The following DNHD1 variants were observed in gnomAD, a reference collection of about 807,000 sequenced individuals.
DNHD1 encodes dynein heavy chain domain-containing protein 1.
A neutral mutation model predicts 458.1 loss-of-function variants in DNHD1; 383 were observed. The ratio of observed to expected loss-of-function variants is 0.84; its 90% CI spans 0.77 to 0.91. The LOEUF (loss-of-function observed/expected upper bound fraction) is 0.91, where lower values mean the gene tolerates loss of function less well. Among genes scored for constraint, DNHD1 ranks in the 40% least tolerant of loss-of-function variants. The pLI, the probability that DNHD1 is intolerant of heterozygous loss-of-function variation, is 0.00. For missense variants in DNHD1, 5,336 were observed against 5,866.1 expected, an observed-to-expected ratio of 0.91 and a Z score of 2.95; for synonymous variants, 2,203 against 2,376.9, an observed-to-expected ratio of 0.93 and a Z score of 2.13.
intron 10 of DNHD1, among the ~76,000 whole-genome samples, chr11:6,524,263 G>A (rs1249318949): frequency 6.6e-6 from 1 of 152,150 alleles, no homozygotes; most frequent in Non-Finnish European, 1.5e-5. Context: ...AACTTCAAAG[G>A]TAGAGAAGAA....
intron 10 of DNHD1, chr11:6,520,641 G>T (rs1170453195): frequency 4.5e-6 from 5 of 1,111,488 alleles, no homozygotes; most frequent in African/African-American, 1.6e-5. Context: ...AAGTAAATTT[G>T]TACTTGTTTG....
At chr11:6,540,765 G>C (rs1422843202) in intron 18 of DNHD1, among the ~76,000 whole-genome samples, 1 of 152,180 alleles carries the variant, frequency 6.6e-6, no homozygotes, top group Non-Finnish European at 1.5e-5. Flanking sequence ...ATTTACATAA[G>C]CATCCAAGAT....
chr11:6,540,490 A>G (rs529568202), intron 18 of DNHD1, among the ~76,000 whole-genome samples: 6 of 152,212 alleles, frequency 3.9e-5, no homozygotes, highest in Non-Finnish European at 8.8e-5. Context: ...TGCTAAACAC[A>G]GGAGACCTTG....
At chr11:6,561,538 T>C (rs957281597) in intron 28 of DNHD1, among the ~76,000 whole-genome samples, 16 of 152,206 alleles carry the variant, frequency 1.1e-4, no homozygotes, top group Non-Finnish European at 2.2e-4. Flanking sequence ...TAAGAAGATA[T>C]AGACTCATCC....
intron 28 of DNHD1, among the ~76,000 whole-genome samples, chr11:6,562,367 C>G (rs1214397669): frequency 6.6e-6 from 1 of 152,062 alleles, no homozygotes; most frequent in African/African-American, 2.4e-5. Context: ...GTGAGACCCC[C>G]AAGGGAAGAT....
rs750497363 is a variant in DNHD1, at chr11:6,548,859, C to G, written c.7313C>G (p.Pro2438Arg). Reference protein sequence around the residue: ...RGIQGQTQASPQPGHHQDSKP... With the variant: ...RGIQGQTQASRQPGHHQDSKP... Reference sequence around the variant, plus strand: ...ATCCAGGGCCAAACACAAGCCAGCCCACAGCCTGGGCATCACCAGGATTCT... The same window carrying G: ...ATCCAGGGCCAAACACAAGCCAGCCGACAGCCTGGGCATCACCAGGATTCT... The change falls in exon 24 of 43, where the codon CCA (proline) becomes CGA (arginine). Residue 2438 changes from proline to arginine, a missense_variant. Around this residue, in one of 4 missense-constraint regions of DNHD1, gnomAD observed 3,932 missense variants for 4,365.6 expected, o/e 0.90. Transcript: ENST00000254579. This position sits in a 1 kb window ranked among gnomAD's most constrained non-coding sequence, Gnocchi z 4.4. 1.3e-6 allele frequency: 2 copies of G among 1,551,744 alleles called. No individual in the cohort carries two copies. Among genetic ancestry groups the G allele is most frequent in the South Asian group, 1.2e-5 (1 of 84,066 alleles).
Position 6,498,117 on chromosome 11 carries a change from C to T in DNHD1, c.-99C>T, listed in dbSNP as rs940752112. The T allele has an allele frequency of 2.6e-6, 4 of 1,514,312 alleles. No individual in the cohort carries two copies. Among genetic ancestry groups the T allele is most frequent in the African/African-American group, 2.8e-5 (2 of 72,528 alleles). The allele number at this position is 1,514,312 out of a possible 1,614,324, so 93.8% of individuals were successfully genotyped here. ...CTCTGGCCCCTCTGCTGGGCTGGCC[C>T]ATGCAGGTGAGGCCCCGCATCTGGC... On this transcript the variant is annotated 5_prime_UTR_variant, in exon 3 of 43. Coordinates refer to ENST00000254579, the MANE Select transcript of DNHD1 (RefSeq NM_144666.3).
chr11:6,509,394 C>A, intron 6 of DNHD1, 122 bp downstream of exon 6: 2 of 770,416 alleles, frequency 2.6e-6, no homozygotes, highest in Non-Finnish European at 4.1e-6. Context: ...ACCTTTAATC[C>A]TACCAACCAC....
rs369212397 is a variant in DNHD1, at chr11:6,538,443, G to A, written c.3059G>A (p.Arg1020His). The change falls in exon 15 of 43, where the codon CGC (arginine) becomes CAC (histidine). Residue 1020 changes from arginine (R) to histidine (H), a missense_variant. By Grantham distance (29) the Arg-to-His change is conservative. Coordinates refer to ENST00000254579, the MANE Select transcript of DNHD1 (RefSeq NM_144666.3). ...CGTRPIVQQQ[R>H]IWHLYRVISE... ...ACACGTCCTATTGTGCAGCAGCAGC[G>A]CATATGGCACCTGTACCGAGTCATC... is the stretch of plus-strand genomic sequence containing the variant. The A allele has an allele frequency of 3.6e-5, 56 of 1,551,652 alleles. No individual in the cohort carries two copies. The highest frequency in any genetic ancestry group is 3.1e-4 in the African/African-American group (23 of 73,058).
At chr11:6,561,303 C>G (rs1853583223) in intron 28 of DNHD1, among the ~76,000 whole-genome samples, 1 of 152,156 alleles carries the variant, frequency 6.6e-6, no homozygotes, top group Admixed American at 6.5e-5. Context: ...TAGCACCTAT[C>G]TGTAGTTCCA....
At chr11:6,550,530 A>G (rs760470951) in intron 24 of DNHD1, among the ~76,000 whole-genome samples, 2 of 152,202 alleles carry the variant, frequency 1.3e-5, no homozygotes, top group Non-Finnish European at 2.9e-5. Context: ...AGACATGCCA[A>G]CAAAAACCCC....
At chr11:6,564,264 C>T in intron 31 of DNHD1, 69 bp from the exon 32 acceptor site, 7 of 1,467,108 alleles carry the variant, frequency 4.8e-6, no homozygotes, top group Non-Finnish European at 6.4e-6. Flanking sequence ...CTTGCCCTCC[C>T]TCTGCCATAT....
chr11:6,519,593 C>T lies in DNHD1; in HGVS notation c.1393-7C>T, dbSNP rs1036349046. On this transcript the variant is annotated splice_polypyrimidine_tract_variant and splice_region_variant and intron_variant, in intron 7 of 42. Transcript: ENST00000254579. ...CTATCTGGTGAGTTTCCACTCTATG[C>T]TCACAGGTTCACGAGGACACATACC... 4 of 1,613,806 alleles carry T rather than the reference C, an allele frequency of 2.5e-6. No homozygotes were observed. In the African/African-American group the frequency reaches 4.0e-5, roughly 16 times the overall value.
intron 3 of DNHD1, 36 bp downstream of exon 3, chr11:6,498,997 G>A (rs2134360079): frequency 6.5e-7 from 1 of 1,530,062 alleles, no homozygotes. Flanking sequence ...TTGAGCAGAG[G>A]AGAAAAAGTT....
chr11:6,539,322 C>T lies in DNHD1; in HGVS notation c.3420+9C>T, dbSNP rs758940699. ...CAGATCGAATCAACCAGGTGGGGCCCTCAGTACAGGGGCGAGGGAGGTGGT... is the reference window on the plus strand; with the variant it reads ...CAGATCGAATCAACCAGGTGGGGCCTTCAGTACAGGGGCGAGGGAGGTGGT... On this transcript the variant is annotated intron_variant, in intron 17 of 42. Coordinates refer to ENST00000254579, the MANE Select transcript of DNHD1 (RefSeq NM_144666.3). 1.9e-6 allele frequency: 3 copies of T among 1,547,144 alleles called. No individual in the cohort carries two copies. The highest frequency in any genetic ancestry group is 2.6e-6 in the Non-Finnish European group (3 of 1,142,996).
chr11:6,515,561 A>G (rs1852444117), intron 7 of DNHD1, among the ~76,000 whole-genome samples: 1 of 152,116 alleles, frequency 6.6e-6, no homozygotes, highest in Admixed American at 6.6e-5. Flanking sequence ...GAGACCAAAA[A>G]TAGAATTTAG....
Position 6,498,018 on chromosome 11 carries a change from C to T in DNHD1, c.-198C>T, listed in dbSNP as rs1852062642. On this transcript the variant is annotated 5_prime_UTR_variant, in exon 3 of 43. Coordinates refer to ENST00000254579, the MANE Select transcript of DNHD1 (RefSeq NM_144666.3). ...CTCTGCTCTGTAGCTCCATCTATTTCCCTGTCCCAGGTCCTTTCTTCCTCC... is the reference window on the plus strand; with the variant it reads ...CTCTGCTCTGTAGCTCCATCTATTTTCCTGTCCCAGGTCCTTTCTTCCTCC... 1.4e-6 allele frequency: 1 copy of T among 702,368 alleles called. No individual in the cohort carries two copies. The highest frequency in any genetic ancestry group is 2.6e-5 in the Admixed American group (1 of 38,030). The allele number at this position is 702,368 out of a possible 1,614,324, so 43.5% of individuals were successfully genotyped here.
chr11:6,549,746 T>C (rs1353209450), intron 24 of DNHD1, among the ~76,000 whole-genome samples: 1 of 152,206 alleles, frequency 6.6e-6, no homozygotes, highest in Non-Finnish European at 1.5e-5. Flanking sequence ...CACTTGGAGA[T>C]TTATGAGAAC....
rs1254716641 is a variant in DNHD1 at position 6,557,585 on chromosome 11, A to G, written c.8290A>G (p.Ile2764Val). ...AGTAAGCAGGGGGATGAAGGAAAGC[A>G]TAAGTCACAAGATAAGGCAAGAGAA... ...GPVSRGMKESISHKIRQEKGT... is the reference protein window; with the variant it reads ...GPVSRGMKESVSHKIRQEKGT... The change falls in exon 25 of 43, where the codon ATA becomes GTA. Residue 2764 changes from isoleucine (I) to valine (V), a missense_variant. Physicochemically the swap from Ile to Val is conservative, Grantham distance 29. Around this residue, in one of 4 missense-constraint regions of DNHD1, gnomAD observed 3,932 missense variants for 4,365.6 expected, o/e 0.90. Coordinates refer to ENST00000254579, the MANE Select transcript of DNHD1 (RefSeq NM_144666.3). 1.3e-6 allele frequency: 2 copies of G among 1,551,840 alleles called. No individual in the cohort carries two copies. The highest frequency in any genetic ancestry group is 1.7e-6 in the Non-Finnish European group (2 of 1,147,010).
Sources: gnomAD v4.1 joint callset for allele counts (sites outside exome capture counted in the v4.1 genomes callset) on GRCh38, gnomAD v4.1.1 for gene constraint, gnomAD v4.1.1 regional missense constraint, Gnocchi (gnomAD v3.1) non-coding constraint, MANE v1.5 for transcripts, NCBI Gene and HGNC (gene_info 2026-07-23, HGNC 2026-07-21) for gene names.